The following PNPT1 variants were observed in gnomAD, a reference collection of about 807,000 sequenced individuals.
PNPT1 encodes the protein polyribonucleotide nucleotidyltransferase 1, mitochondrial.
PNPT1 carries 53 observed loss-of-function variants against 119.5 expected under a neutral mutation model. The ratio of observed to expected loss-of-function variants is 0.44; its 90% CI spans 0.36 to 0.56. The LOEUF (loss-of-function observed/expected upper bound fraction) is 0.56. Ranked by LOEUF, PNPT1 falls within the 20% of genes least tolerant of loss-of-function variation. The pLI is 0.00. For synonymous variants in PNPT1, 357 were observed against 322.1 expected, an observed-to-expected ratio of 1.11 and a Z score of -1.16; for missense variants, 948 against 938.5, an observed-to-expected ratio of 1.01 and a Z score of -0.13.
At chr2:55,687,852 T>G in intron 1 of PNPT1, 147 bp from the exon 2 acceptor site, 1 of 571,094 alleles carries the variant, frequency 1.8e-6, no homozygotes, top group East Asian at 3.1e-5. Flanking sequence ...TCCATGATCA[T>G]TATCAAAAGT....
chr2:55,648,973 A>C (rs990434997), intron 18 of PNPT1, among the ~76,000 whole-genome samples: 1 of 129,472 alleles, frequency 7.7e-6, no homozygotes, highest in East Asian at 2.3e-4. Flanking sequence ...ATCTCATTTC[A>C]TTTTCTCTAA....
chr2:55,672,788 T>C, intron 9 of PNPT1, 105 bp downstream of exon 9: 7 of 1,076,452 alleles, frequency 6.5e-6, no homozygotes, highest in Non-Finnish European at 8.0e-6. Context: ...AAAAGTGCTA[T>C]TTATGAAGTA....
chr2:55,636,864 G>A (rs1695690231), intron 27 of PNPT1, among the ~76,000 whole-genome samples: 3 of 124,790 alleles, frequency 2.4e-5, no homozygotes, highest in Non-Finnish European at 3.6e-5. Flanking sequence ...AGTTCCTTCT[G>A]ATGTGAAAAC....
At chr2:55,672,837 C>T (rs1047325606) in intron 9 of PNPT1, 56 bp downstream of exon 9, 48 of 1,482,648 alleles carry the variant, frequency 3.2e-5, no homozygotes, top group East Asian at 1.9e-4. Flanking sequence ...TTCTCTCCCA[C>T]GAGGAAATTA....
intron 8 of PNPT1, among the ~76,000 whole-genome samples, chr2:55,675,547 C>A (rs1421572682): frequency 6.6e-6 from 1 of 152,100 alleles, no homozygotes; most frequent in Non-Finnish European, 1.5e-5. Flanking sequence ...AAGAAAATTT[C>A]TTTAGCCAGG....
At chr2:55,677,162 C>A (rs930759813) in intron 8 of PNPT1, among the ~76,000 whole-genome samples, 1 of 152,164 alleles carries the variant, frequency 6.6e-6, no homozygotes, top group African/African-American at 2.4e-5. Context: ...TCACTCTCAG[C>A]CTCCCTCTAC....
intron 25 of PNPT1, among the ~76,000 whole-genome samples, chr2:55,640,983 T>TGG (rs1475392617): frequency 6.6e-6 from 1 of 152,114 alleles, no homozygotes; most frequent in Non-Finnish European, 1.5e-5. Context: ...CCCAGCACTT[T>TGG]GGGAGGCCAA....
At chr2:55,650,566 C>G (rs1362018057) in intron 18 of PNPT1, among the ~76,000 whole-genome samples, 1 of 152,092 alleles carries the variant, frequency 6.6e-6, no homozygotes, top group Non-Finnish European at 1.5e-5. Context: ...GGCCGCCACC[C>G]CGTCTAGGAA....
intron 8 of PNPT1, 65 bp from the exon 9 acceptor site, chr2:55,673,144 A>G: frequency 7.9e-7 from 1 of 1,266,056 alleles, no homozygotes; most frequent in South Asian, 1.6e-5. Context: ...TAACATTTTC[A>G]AATACCATGA....
At chr2:55,686,997 G>A (rs918225449) in intron 2 of PNPT1, among the ~76,000 whole-genome samples, 4 of 150,484 alleles carry the variant, frequency 2.7e-5, no homozygotes, top group Admixed American at 1.3e-4. Flanking sequence ...GGCGGATCAC[G>A]AGGTCAGGAG....
chr2:55,671,762 A>C (rs1162529572), intron 10 of PNPT1, among the ~76,000 whole-genome samples: 1 of 152,212 alleles, frequency 6.6e-6, no homozygotes, highest in African/African-American at 2.4e-5. Context: ...GGAAGGCGAA[A>C]GTTGCAGTGA....
At position 55,683,812 on chromosome 2, in the gene PNPT1, A is replaced by G; in HGVS notation, c.426T>C (p.Phe142=). ...GTGTATCATAGAAGTAGCCAGCTGG[A>G]AAGAGCGGTCTAATTGAACGATCTG... ...RIIDRSIRPL[F]PAGYFYDTQV... Residue 142 remains phenylalanine (F), a synonymous_variant, in exon 5 of 28, where the codon TTT becomes TTC. Coordinates refer to ENST00000447944, the MANE Select transcript of PNPT1 (RefSeq NM_033109.5). 6.2e-7 allele frequency: 1 copy of G among 1,613,854 alleles called. No homozygotes were observed. The highest frequency in any genetic ancestry group is 8.5e-7 in the Non-Finnish European group (1 of 1,179,828).
intron 18 of PNPT1, among the ~76,000 whole-genome samples, chr2:55,651,188 TG>T (rs1696182737): frequency 7.1e-6 from 1 of 140,716 alleles, no homozygotes; most frequent in Non-Finnish European, 1.6e-5. Context: ...CCGCCCCGTC[TG>T]GGAGGTGAGG....
Position 55,667,105 on chromosome 2 carries a change from T to G in PNPT1, c.1074-12A>C, listed in dbSNP as rs374508862. The G allele has an allele frequency of 6.3e-7, 1 of 1,597,552 alleles. No homozygotes were observed. Among genetic ancestry groups the G allele is most frequent in the Non-Finnish European group, 8.6e-7 (1 of 1,165,644 alleles). On this transcript the variant is annotated splice_polypyrimidine_tract_variant and intron_variant, in intron 12 of 27. Transcript: ENST00000447944. ...CCCGACCATCGCACCTATAGTGATA[T>G]AGGAAATAAGTACATTAAGTAACGC...
intron 18 of PNPT1, 98 bp from the exon 19 acceptor site, chr2:55,647,551 G>A (rs1572799738): frequency 1.1e-5 from 9 of 814,496 alleles, no homozygotes; most frequent in South Asian, 4.3e-5. Flanking sequence ...AGGGAGTCTC[G>A]GTCTGTTGCC....
intron 14 of PNPT1, among the ~76,000 whole-genome samples, chr2:55,660,571 A>C (rs1696533093): frequency 6.6e-6 from 1 of 152,216 alleles, no homozygotes; most frequent in Non-Finnish European, 1.5e-5. Flanking sequence ...TGTGAAACGA[A>C]GAAAAAGTCC....
chr2:55,692,687 T>C (rs1201769535), intron 1 of PNPT1, among the ~76,000 whole-genome samples: 9 of 152,314 alleles, frequency 5.9e-5, no homozygotes, highest in South Asian at 2.1e-4. Flanking sequence ...TAATAGTACC[T>C]TTACGACAGG....
chr2:55,690,794 T>G (rs903145387), intron 1 of PNPT1, among the ~76,000 whole-genome samples: 1 of 152,122 alleles, frequency 6.6e-6, no homozygotes, highest in African/African-American at 2.4e-5. Flanking sequence ...ATAAAATGGG[T>G]CTCCTGTGAC....
Position 55,683,775 on chromosome 2 carries a change from C to G in PNPT1, c.453+10G>C. 1 of 1,607,558 alleles carries G rather than the reference C, an allele frequency of 6.2e-7. No individual in the cohort carries two copies. Among genetic ancestry groups the G allele is most frequent in the Non-Finnish European group, 8.5e-7 (1 of 1,176,078 alleles). On this transcript the variant is annotated intron_variant, in intron 5 of 27. Coordinates refer to ENST00000447944, the MANE Select transcript of PNPT1 (RefSeq NM_033109.5). ...GATCTGGCAACTAAAAAACCTAAAG[C>G]AGAATCTACCTGTGTATCATAGAAG...
Sources: allele counts gnomAD v4.1 joint callset (sites outside exome capture counted in the v4.1 genomes callset), GRCh38; gene constraint gnomAD v4.1.1; transcripts MANE v1.5; gene names NCBI Gene and HGNC (gene_info 2026-07-23, HGNC 2026-07-21).